SLC25A48: variants seen among roughly 807,000 people sequenced by gnomAD.
The protein encoded by SLC25A48 is solute carrier family 25 member 48.
SLC25A48 carries 29 observed loss-of-function variants against 32.2 expected under a neutral mutation model. That is an observed-to-expected ratio of 0.90 (90% confidence interval 0.67 to 1.23). The LOEUF is 1.23. Among genes scored for constraint, SLC25A48 ranks in the 50% most tolerant of loss-of-function variants. The pLI, the probability that SLC25A48 is intolerant of heterozygous loss-of-function variation, is 0.00. For synonymous variants in SLC25A48, 164 were observed against 172.3 expected (o/e 0.95, Z 0.38); for missense variants, 399 against 422.7 (o/e 0.94, Z 0.49).
chr5:135,700,371 C>CA (rs34125451), intron 3 of SLC25A48, among the ~76,000 whole-genome samples: 2,314 of 67,942 alleles, frequency 0.034, 297 homozygotes, highest in African/African-American at 0.13. Context: ...GACTCTGTCT[C>CA]AAAAAAAAAA....
chr5:135,868,289 G>T (rs951898497), intron 4 of SLC25A48, among the ~76,000 whole-genome samples: 11 of 152,216 alleles, frequency 7.2e-5, no homozygotes, highest in Admixed American at 6.5e-4. Flanking sequence ...GACAAACCCC[G>T]AATCAGGAAA....
intron 3 of SLC25A48, among the ~76,000 whole-genome samples, chr5:135,808,735 A>G (rs1757527256): frequency 6.6e-6 from 1 of 152,182 alleles, no homozygotes; most frequent in Admixed American, 6.6e-5. Flanking sequence ...TGTAAAGCAC[A>G]AGAACATGGA....
intron 3 of SLC25A48, among the ~76,000 whole-genome samples, chr5:135,729,912 T>C (rs1027435968): frequency 7.9e-5 from 12 of 152,224 alleles, no homozygotes; most frequent in East Asian, 5.8e-4. Context: ...GGTGATGTTA[T>C]ACATTCATTA....
In SLC25A48 at chr5:135,691,127, C is replaced by T. The variant is rs189300452; in HGVS notation, c.-521+56171C>T. Among the ~76,000 whole-genome samples, 20 of 152,284 alleles carry T rather than the reference C, an allele frequency of 1.3e-4. No individual in the cohort carries two copies. The East Asian group carries it at 3.5e-3, about 26-fold the overall frequency. On this transcript the variant is annotated intron_variant, in intron 3 of 10. Coordinates refer to the SLC25A48 transcript ENST00000646290. ...TTTCCGTTTCCCGTCACACATTCAG[C>T]GCTTCTCGATTCAGCCCAAATTGGC...
At chr5:135,647,085 A>G (rs972890847) in intron 3 of SLC25A48, among the ~76,000 whole-genome samples, 1 of 96 alleles carries the variant, frequency 0.01, no homozygotes, top group Admixed American at 0.25. Flanking sequence ...CGCAATGTGT[A>G]CTTATATCAC....
intron 4 of SLC25A48, among the ~76,000 whole-genome samples, chr5:135,854,985 C>A (rs1339381923): frequency 1.3e-5 from 2 of 152,122 alleles, no homozygotes; most frequent in East Asian, 3.9e-4. Context: ...AACAGGGCAG[C>A]CTGAGGAGAG....
chr5:135,655,718 C>G (rs1753229897), intron 3 of SLC25A48, among the ~76,000 whole-genome samples: 1 of 152,222 alleles, frequency 6.6e-6, no homozygotes, highest in Non-Finnish European at 1.5e-5. Context: ...ACTTGGTTTC[C>G]AGAGCCTTTT....
intron 3 of SLC25A48, among the ~76,000 whole-genome samples, chr5:135,746,057 G>A (rs531600913): frequency 6.6e-6 from 1 of 152,046 alleles, no homozygotes; most frequent in East Asian, 1.9e-4. Context: ...CCTCCTCCCT[G>A]TCACTCATTT....
At chr5:135,731,340 G>T (rs947875222) in intron 3 of SLC25A48, among the ~76,000 whole-genome samples, 10 of 152,202 alleles carry the variant, frequency 6.6e-5, no homozygotes, top group African/African-American at 2.4e-4. Context: ...ATACCTGCAG[G>T]TCACAGGGGA....
At chr5:135,805,196 T>C (rs1473640464) in intron 3 of SLC25A48, among the ~76,000 whole-genome samples, 1 of 151,076 alleles carries the variant, frequency 6.6e-6, no homozygotes, top group Non-Finnish European at 1.5e-5. Flanking sequence ...TAGGGAGATA[T>C]TAATCCTAAC....
chr5:135,656,453 T>G (rs1250752279), intron 3 of SLC25A48, among the ~76,000 whole-genome samples: 1 of 152,170 alleles, frequency 6.6e-6, no homozygotes, highest in East Asian at 1.9e-4. Context: ...CTGCTAACTT[T>G]CTGCCATCCT....
chr5:135,797,947 C>A (rs1288276701), intron 3 of SLC25A48, among the ~76,000 whole-genome samples: 1 of 151,706 alleles, frequency 6.6e-6, no homozygotes, highest in Non-Finnish European at 1.5e-5. Flanking sequence ...GGGGTGTACA[C>A]CCCCTCTATG....
chr5:135,857,780 C>T (rs762153669), intron 4 of SLC25A48, among the ~76,000 whole-genome samples: 6 of 152,146 alleles, frequency 3.9e-5, no homozygotes, highest in Non-Finnish European at 7.4e-5. Context: ...CAGGGCTGTG[C>T]ACCTGCCCAG....
intron 7 of SLC25A48, among the ~76,000 whole-genome samples, chr5:135,886,673 TGAGAGA>T (rs368347571): frequency 0.052 from 1,696 of 32,664 alleles, 123 homozygotes; most frequent in African/African-American, 0.13. Context: ...TGTGTGTGTG[TGAGAGA>T]GAGAGAGAGA....
chr5:135,783,319 G>A (rs1756764282), intron 3 of SLC25A48, among the ~76,000 whole-genome samples: 1 of 116,782 alleles, frequency 8.6e-6, no homozygotes, highest in South Asian at 3.0e-4. Flanking sequence ...ATATTGCAGG[G>A]GGTGTACAAT....
chr5:135,678,798 CA>C, intron 3 of SLC25A48, among the ~76,000 whole-genome samples: 1 of 152,266 alleles, frequency 6.6e-6, no homozygotes, highest in Middle Eastern at 3.4e-3. Flanking sequence ...CAGCTGTAAA[CA>C]GCATTAGTCA....
intron 3 of SLC25A48, among the ~76,000 whole-genome samples, chr5:135,788,999 C>T (rs1756936468): frequency 1.3e-5 from 2 of 149,528 alleles, no homozygotes; most frequent in Admixed American, 6.7e-5. Context: ...CTGTAATATC[C>T]ATGAGTAGGA....
rs71587595 is a variant in SLC25A48 at position 135,859,711 on chromosome 5, C to T, written c.421+6890C>T. On this transcript the variant is annotated intron_variant, in intron 4 of 7. Coordinates refer to ENST00000681962, the MANE Select transcript of SLC25A48 (RefSeq NM_001349336.2). Reference sequence around the variant, plus strand: ...CAATCATAGAGGTGTGGAAAATTGTCCTCCTATGCACATTGTTGCTTCTGG... The same window carrying T: ...CAATCATAGAGGTGTGGAAAATTGTTCTCCTATGCACATTGTTGCTTCTGG... Among the ~76,000 whole-genome samples, 1,450 of 152,206 alleles carry T rather than the reference C, an allele frequency of 9.5e-3. 9 individuals are homozygous for T. The highest frequency in any genetic ancestry group is 0.014 in the Non-Finnish European group (935 of 68,022).
Position 135,834,891 on chromosome 5 carries a change from G to A in SLC25A48, c.44G>A (p.Gly15Glu). 1 of 1,603,084 alleles carries A rather than the reference G, an allele frequency of 6.2e-7. No individual in the cohort carries two copies. ...QLEDFAAGWI[G>E]GAASVIVGHP... ...GAAGACTTTGCGGCGGGCTGGATCG[G>A]AGGTGAGTGTGCTTACCGGGGACCC... Residue 15 changes from glycine (G) to glutamate (E), a missense_variant and splice_region_variant, in exon 1 of 8, where the codon GGA (glycine) becomes GAA (glutamate). Coordinates refer to ENST00000681962, the MANE Select transcript of SLC25A48 (RefSeq NM_001349336.2).
Sources: gnomAD v4.1 joint callset for allele counts (sites outside exome capture counted in the v4.1 genomes callset) on GRCh38, gnomAD v4.1.1 for gene constraint, MANE v1.5 for transcripts, NCBI Gene and HGNC (gene_info 2026-07-23, HGNC 2026-07-21) for gene names.